The following TNRC6C variants were observed in gnomAD, a reference collection of about 807,000 sequenced individuals.
TNRC6C encodes trinucleotide repeat containing adaptor 6C, also known as trinucleotide repeat-containing gene 6C protein.
Under a neutral mutation model 153.7 loss-of-function variants are expected in TNRC6C, and 20 were observed. The observed-to-expected ratio is 0.13, with a 90% CI of 0.09 to 0.19. The LOEUF (loss-of-function observed/expected upper bound fraction) is 0.19, where lower values mean the gene tolerates loss of function less well. Among genes scored for constraint, TNRC6C ranks in the 10% least tolerant of loss-of-function variants. The probability of loss-of-function intolerance (pLI) is 1.00; values close to 1 mark genes in which losing one functional copy is unlikely to be tolerated. For synonymous variants in TNRC6C, 811 were observed against 841.4 expected (o/e 0.96, Z 0.63); for missense variants, 1,987 against 2,172.0 (o/e 0.91, Z 1.69).
chr17:78,062,139 A>G (rs1448552837), intron 3 of TNRC6C, among the ~76,000 whole-genome samples: 3 of 152,206 alleles, frequency 2.0e-5, no homozygotes, highest in Non-Finnish European at 4.4e-5. Flanking sequence ...CAATTTGTAA[A>G]ACTACTTCTC....
At chr17:78,003,465 G>A (rs952225952), upstream of TNRC6C, among the ~76,000 whole-genome samples, 3 of 152,032 alleles carry the variant, frequency 2.0e-5, no homozygotes, top group East Asian at 3.8e-4. Flanking sequence ...AGCACAAGAA[G>A]GTTAACAATT....
chr17:78,071,059 TC>T, intron 5 of TNRC6C, 25 bp from the exon 8 acceptor site: 1 of 1,579,820 alleles, frequency 6.3e-7, no homozygotes, highest in Non-Finnish European at 8.6e-7. Flanking sequence ...CTCATGGACT[TC>T]CCCCTTTCCC....
Position 78,041,497 on chromosome 17 carries a change from A to T in TNRC6C, c.-218-7348A>T, listed in dbSNP as rs551126098. Among the ~76,000 whole-genome samples, 170 of 152,312 alleles carry T rather than the reference A, an allele frequency of 1.1e-3. 1 individual carries two copies. Among genetic ancestry groups the T allele is most frequent in the African/African-American group, 3.5e-3 (146 of 41,568 alleles). ...TTTTACTGCCGTTTTGAAGAAAAAC[A>T]CAAGGCAACAAACTTATTCTTTTGG... On this transcript the variant is annotated intron_variant, in intron 2 of 19. Coordinates refer to ENST00000301624, the Ensembl canonical transcript of TNRC6C.
chr17:78,021,358 C>T (rs2071828150), intron 1 of TNRC6C, among the ~76,000 whole-genome samples: 2 of 152,224 alleles, frequency 1.3e-5, no homozygotes, highest in Admixed American at 6.5e-5. Context: ...TTCAGACAAG[C>T]CTGATGTGCT....
At chr17:78,077,476 G>T in intron 9 of TNRC6C, 142 bp downstream of exon 11, 3 of 1,104,496 alleles carry the variant, frequency 2.7e-6, no homozygotes, top group Non-Finnish European at 3.9e-6. Flanking sequence ...ATACTACCAG[G>T]ATTTCCCTTC....
intron 1 of TNRC6C, among the ~76,000 whole-genome samples, chr17:77,989,644 A>T (rs2071220974): frequency 6.6e-6 from 1 of 152,192 alleles, no homozygotes; most frequent in Non-Finnish European, 1.5e-5. Context: ...TTACCCACTA[A>T]CTGTAAGCTC....
chr17:77,958,693 G>A (rs1302058031), upstream of TNRC6C, among the ~76,000 whole-genome samples: 1 of 151,872 alleles, frequency 6.6e-6, no homozygotes, highest in Admixed American at 6.5e-5. Flanking sequence ...GGGGGAGGGG[G>A]GTTCTTGTCA....
In TNRC6C at chr17:78,079,685, A is replaced by G. The variant is rs940368779; in HGVS notation, c.3357+144A>G. 6 of 1,115,816 alleles carry G rather than the reference A, an allele frequency of 5.4e-6. No homozygotes were observed. Among genetic ancestry groups the G allele is most frequent in the African/African-American group, 3.1e-5 (2 of 63,894 alleles). 69.1% of individuals were successfully genotyped at this position (1,115,816 alleles called of 1,614,324 possible). ...GAGAAGGCCTTCTGGTTTTTAACCT[A>G]TAAATTAATTTTAGACTATAAAGTA... On this transcript the variant is annotated intron_variant, in intron 10 of 19. Coordinates refer to ENST00000301624, the Ensembl canonical transcript of TNRC6C. This position sits in a 1 kb window ranked among gnomAD's most constrained non-coding sequence, Gnocchi z 4.3.
chr17:77,979,059 C>A (rs950659853), intron 1 of TNRC6C, among the ~76,000 whole-genome samples: 2 of 151,998 alleles, frequency 1.3e-5, no homozygotes, highest in African/African-American at 4.8e-5. Context: ...CACAGGAGAT[C>A]TAGATATTAG....
At chr17:78,031,819 A>C (rs2072080882) in exon 2 of TNRC6C, 1 of 1,232,146 alleles carries the variant, frequency 8.1e-7, no homozygotes. Flanking sequence ...GGAACACAGC[A>C]TCATCCCAGT....
chr17:78,052,126 C>T (rs1032860650), intron 3 of TNRC6C, among the ~76,000 whole-genome samples: 3 of 152,204 alleles, frequency 2.0e-5, no homozygotes, highest in East Asian at 3.8e-4. Flanking sequence ...CAGGAAAGAG[C>T]GCTGCACAGG....
intron 11 of TNRC6C, 35 bp downstream of exon 13, chr17:78,083,201 A>C (rs755034691): frequency 4.8e-5 from 77 of 1,612,020 alleles, no homozygotes; most frequent in Non-Finnish European, 6.3e-5. Context: ...TAGAGCACGC[A>C]GGCCGAGTGC....
chr17:78,106,884 C>CAAAAAAAAAAAAAAAAA (rs72217904), exon 20 of TNRC6C: 1 of 75,730 alleles, frequency 1.3e-5, no homozygotes, highest in Non-Finnish European at 3.1e-5. Flanking sequence ...AAAAAAAATA[C>CAAAAAAAAAAAAAAAAA]AAAAAAAAAA....
intron 1 of TNRC6C, among the ~76,000 whole-genome samples, chr17:78,017,360 G>A (rs2071747600): frequency 6.6e-6 from 1 of 152,194 alleles, no homozygotes; most frequent in Non-Finnish European, 1.5e-5. Context: ...GGAATGTAAG[G>A]TGGATCATAG....
chr17:78,067,000 G>A (rs1021395001), intron 4 of TNRC6C: 4 of 152,150 alleles, frequency 2.6e-5, no homozygotes, highest in African/African-American at 4.8e-5. Flanking sequence ...GAGAAGATTC[G>A]CGTGGTTCCT....
At position 78,013,094 on chromosome 17, in the gene TNRC6C, C is replaced by A. The variant is rs369354440; in HGVS notation, c.-546+8015C>A. On this transcript the variant is annotated intron_variant, in intron 1 of 19. Coordinates refer to ENST00000301624, the Ensembl canonical transcript of TNRC6C. ...CATCAGGTCATTAAAACTGAGCACC[C>A]TTACCAAGCTATTCTACCCAAAAAA... 2.2e-4 allele frequency among the ~76,000 whole-genome samples: 34 copies of A among 151,958 alleles called. No homozygotes were observed. The East Asian group carries it at 5.0e-3, about 22-fold the overall frequency.
At chr17:78,024,837 C>T (rs2071906517) in intron 1 of TNRC6C, among the ~76,000 whole-genome samples, 1 of 151,676 alleles carries the variant, frequency 6.6e-6, no homozygotes, top group Non-Finnish European at 1.5e-5. Flanking sequence ...CTCTGTTGCC[C>T]AGGCTGGAGT....
At chr17:77,980,619 G>C (rs1367033855) in intron 1 of TNRC6C, among the ~76,000 whole-genome samples, 2 of 152,168 alleles carry the variant, frequency 1.3e-5, no homozygotes, top group African/African-American at 4.8e-5. Context: ...AGATAACTCA[G>C]ATCTCACAGG....
intron 1 of TNRC6C, among the ~76,000 whole-genome samples, chr17:77,993,107 A>C (rs1598658298): frequency 6.6e-6 from 1 of 151,810 alleles, no homozygotes; most frequent in Non-Finnish European, 1.5e-5. Context: ...CTGGGATTAC[A>C]CCCGCCATCA....
Sources: gnomAD v4.1 joint callset for allele counts (sites outside exome capture counted in the v4.1 genomes callset) on GRCh38, gnomAD v4.1.1 for gene constraint, Gnocchi (gnomAD v3.1) non-coding constraint, MANE v1.5 for transcripts, NCBI Gene and HGNC (gene_info 2026-07-23, HGNC 2026-07-21) for gene names.